KIRREL3: variants seen among roughly 807,000 people sequenced by gnomAD.
KIRREL3 encodes kin of IRRE-like protein 3.
Under a neutral mutation model 89.7 loss-of-function variants are expected in KIRREL3, and 36 were observed. That is an observed-to-expected ratio of 0.40 (90% CI 0.31 to 0.53). The LOEUF is 0.53. KIRREL3 is among the 20% of genes least tolerant of loss of function. The probability of loss-of-function intolerance (pLI) is 0.49; values close to 1 mark genes in which losing one functional copy is unlikely to be tolerated. For missense variants in KIRREL3, 864 were observed against 1,056.6 expected, an observed-to-expected ratio of 0.82 and a Z score of 2.53; for synonymous variants, 445 against 441.4, an observed-to-expected ratio of 1.01 and a Z score of -0.10.
At chr11:126,728,131 G>A (rs1349480512) in intron 1 of KIRREL3, among the ~76,000 whole-genome samples, 2 of 152,160 alleles carry the variant, frequency 1.3e-5, no homozygotes, top group African/African-American at 4.8e-5. Flanking sequence ...AGGCTGCAAG[G>A]TCACAGATGG....
At chr11:126,437,173 A>C (rs753936304) in intron 11 of KIRREL3, among the ~76,000 whole-genome samples, 164 bp from the exon 12 acceptor site, 17 of 152,124 alleles carry the variant, frequency 1.1e-4, no homozygotes, top group African/African-American at 3.6e-4. Flanking sequence ...ACACACCACA[A>C]ATATGCACAC....
At chr11:126,925,299 C>T (rs934686375) in intron 1 of KIRREL3, among the ~76,000 whole-genome samples, 3 of 152,138 alleles carry the variant, frequency 2.0e-5, no homozygotes, top group South Asian at 2.1e-4. Context: ...AGCAGGCACA[C>T]GCATGAGGCA....
intron 1 of KIRREL3, among the ~76,000 whole-genome samples, chr11:126,699,372 A>C (rs1947224954): frequency 6.6e-6 from 1 of 152,380 alleles, no homozygotes; most frequent in African/African-American, 2.4e-5. Context: ...TGTTCCCACA[A>C]GGTGCAGTAA....
At position 126,513,776 on chromosome 11, in the gene KIRREL3, T is replaced by C. The variant is rs1010869213; in HGVS notation, c.433+7539A>G. ...GCAGGGCTGGGGCGACCCGCACACC[T>C]CAACTCAATGGCTGCAAGACCTCCA... is the stretch of plus-strand genomic sequence containing the variant. On this transcript the variant is annotated intron_variant, in intron 4 of 16. Coordinates refer to ENST00000525144, the MANE Select transcript of KIRREL3 (RefSeq NM_032531.4). The surrounding 1 kb of genome is among the most constrained non-coding windows in gnomAD (Gnocchi z 5.9). Among the ~76,000 whole-genome samples the C allele has an allele frequency of 6.6e-6, 1 of 152,110 alleles. No homozygotes were observed. Among genetic ancestry groups the C allele is most frequent in the Admixed American group, 6.5e-5 (1 of 15,278 alleles).
intron 1 of KIRREL3, among the ~76,000 whole-genome samples, chr11:126,595,841 C>T (rs148475940): frequency 8.2e-4 from 125 of 152,342 alleles, no homozygotes; most frequent in African/African-American, 3.0e-3. Flanking sequence ...GACATCCTTT[C>T]CAGAACCTTC....
rs11605603 is a variant in KIRREL3, at chr11:126,521,073, C to A, written c.433+242G>T. 0.27 allele frequency among the ~76,000 whole-genome samples: 41,343 copies of A among 152,146 alleles called. 6,777 individuals carry two copies. Among genetic ancestry groups the A allele is most frequent in the African/African-American group, 0.45 (18,714 of 41,466 alleles). On this transcript the variant is annotated intron_variant, in intron 4 of 16. Transcript: ENST00000525144. This position sits in a 1 kb window ranked among gnomAD's most constrained non-coding sequence, Gnocchi z 4.1. The stretch of plus-strand genomic sequence containing the variant: ...ATTAGCTGCCTAAGGCACCATCAAA[C>A]ACGCCGGGGTTGGACTGAGTCCGCT...
chr11:126,986,317 T>C (rs1949866101), intron 1 of KIRREL3, among the ~76,000 whole-genome samples: 1 of 152,148 alleles, frequency 6.6e-6, no homozygotes, highest in African/African-American at 2.4e-5. Context: ...CAGTTCACAA[T>C]GAAGTGAATA....
At position 126,621,009 on chromosome 11, in the gene KIRREL3, G is replaced by A. The variant is rs550631659; in HGVS notation, c.56-58097C>T. Among the ~76,000 whole-genome samples the A allele has an allele frequency of 4.7e-4, 71 of 152,342 alleles. No individual in the cohort carries two copies. In the South Asian group the frequency reaches 8.9e-3, roughly 19 times the overall value. On this transcript the variant is annotated intron_variant, in intron 1 of 16. Coordinates refer to ENST00000525144, the MANE Select transcript of KIRREL3 (RefSeq NM_032531.4). Reference sequence around the variant, plus strand: ...GCAGGGCACAGAGAGACTGGAAAGGGCTTGAGTGTAAGCGAATGCAAAGGG... The same window carrying A: ...GCAGGGCACAGAGAGACTGGAAAGGACTTGAGTGTAAGCGAATGCAAAGGG...
At chr11:126,670,044 C>T (rs1028485537) in intron 1 of KIRREL3, among the ~76,000 whole-genome samples, 3 of 152,146 alleles carry the variant, frequency 2.0e-5, no homozygotes, top group African/African-American at 7.2e-5. Context: ...CCAGCATGTC[C>T]TGTTGGCTCT....
At chr11:126,820,485 A>G (rs1943173331) in intron 1 of KIRREL3, among the ~76,000 whole-genome samples, 1 of 152,236 alleles carries the variant, frequency 6.6e-6, no homozygotes, top group Non-Finnish European at 1.5e-5. Context: ...TTTATAATCT[A>G]TCCTGGGGAA....
chr11:126,559,009 C>T (rs553308997), intron 2 of KIRREL3, among the ~76,000 whole-genome samples: 4 of 152,080 alleles, frequency 2.6e-5, no homozygotes, highest in Non-Finnish European at 5.9e-5. Context: ...TAAAGATGTC[C>T]TGAGAGCATG....
At chr11:126,512,031 C>T (rs1958239751) in intron 4 of KIRREL3, among the ~76,000 whole-genome samples, 1 of 152,186 alleles carries the variant, frequency 6.6e-6, no homozygotes, top group African/African-American at 2.4e-5. Flanking sequence ...ACACGTGGGA[C>T]TGGCTGGCCT....
intron 1 of KIRREL3, among the ~76,000 whole-genome samples, chr11:126,572,544 C>T: frequency 6.9e-6 from 1 of 144,646 alleles, no homozygotes; most frequent in South Asian, 2.4e-4. Flanking sequence ...GCCCAGCTGA[C>T]CAGCAGAGAC....
rs1450748204 is a variant in KIRREL3 at position 126,601,312 on chromosome 11, C to T, written c.56-38400G>A. ...ACTGGCAGAGAGACTGAGCGGCAGC[C>T]GTGGGCATCTTGGGTTTTGCAGCTC... On this transcript the variant is annotated intron_variant, in intron 1 of 16. Transcript: ENST00000525144. This position sits in a 1 kb window ranked among gnomAD's most constrained non-coding sequence, Gnocchi z 5.8. Among the ~76,000 whole-genome samples, 6 of 152,166 alleles carry T rather than the reference C, an allele frequency of 3.9e-5. No individual in the cohort carries two copies. The highest frequency in any genetic ancestry group is 7.2e-5 in the African/African-American group (3 of 41,438).
intron 1 of KIRREL3, among the ~76,000 whole-genome samples, chr11:126,799,583 C>T (rs1172642748): frequency 1.0e-5 from 1 of 97,024 alleles, no homozygotes; most frequent in African/African-American, 3.8e-5. Flanking sequence ...CTCCTAGGAA[C>T]TTGAGCCCGT....
Position 126,923,202 on chromosome 11 carries a change from T to TTCTTCTTC in KIRREL3, c.55+77245_55+77252dup, listed in dbSNP as rs1947480780. Among the ~76,000 whole-genome samples, 3 of 7,760 alleles carry TTCTTCTTC rather than the reference T, an allele frequency of 3.9e-4. 1 individual carries two copies. Among genetic ancestry groups the TTCTTCTTC allele is most frequent in the East Asian group, 4.7e-3 (2 of 424 alleles). 5.1% of individuals were successfully genotyped at this position (7,760 alleles called of 152,430 possible). A position where few individuals can be genotyped will look rare whatever the true frequency, so the allele number is the denominator to read the frequency against. ...TCTTCTTCTTCTCTTCTTCTTCTTC[T>TTCTTCTTC]TCTTCTTCTTCTTCTTCTTCTTCTT... On this transcript the variant is annotated intron_variant, in intron 1 of 16. Transcript: ENST00000525144.
chr11:126,728,244 G>A (rs941955357), intron 1 of KIRREL3, among the ~76,000 whole-genome samples: 3 of 152,114 alleles, frequency 2.0e-5, no homozygotes, highest in African/African-American at 4.8e-5. Flanking sequence ...GTAGTCTTGG[G>A]TGAGTCACTT....
intron 1 of KIRREL3, among the ~76,000 whole-genome samples, chr11:126,975,379 C>T (rs1306084454): frequency 1.3e-5 from 2 of 152,140 alleles, no homozygotes; most frequent in Admixed American, 1.3e-4. Context: ...GTTCACAAAG[C>T]TTTCATTCTT....
At position 126,641,395 on chromosome 11, in the gene KIRREL3, TA is replaced by T. The variant is rs561796155; in HGVS notation, c.56-78484del. ...AAGAGCCTCTTGGTGGTCACAAAGC[TA>T]CTTGCCACTCTCATCAGATCAGGGT... is the stretch of plus-strand genomic sequence containing the variant. On this transcript the variant is annotated intron_variant, in intron 1 of 16. Transcript: ENST00000525144. The surrounding 1 kb of genome is among the most constrained non-coding windows in gnomAD (Gnocchi z 5.0). Among the ~76,000 whole-genome samples, 21,464 of 151,948 alleles carry T rather than the reference TA, an allele frequency of 0.14. 1,657 individuals carry two copies. The highest frequency in any genetic ancestry group is 0.32 in the East Asian group (1,619 of 5,100).
Sources: gnomAD v4.1 joint callset for allele counts (sites outside exome capture counted in the v4.1 genomes callset) on GRCh38, gnomAD v4.1.1 for gene constraint, Gnocchi (gnomAD v3.1) non-coding constraint, MANE v1.5 for transcripts, NCBI Gene and HGNC (gene_info 2026-07-23, HGNC 2026-07-21) for gene names.